The following LARP1B variants were observed in gnomAD, a reference collection of about 807,000 sequenced individuals.
The protein encoded by LARP1B is la-related protein 1B.
Under a neutral mutation model 114.2 loss-of-function variants are expected in LARP1B, and 76 were observed. That is an observed-to-expected ratio of 0.67 (90% CI 0.55 to 0.81). The LOEUF is 0.81. Ranked by LOEUF, LARP1B falls within the 30% of genes least tolerant of loss-of-function variation. The probability of loss-of-function intolerance (pLI) is 0.00; values close to 1 mark genes in which losing one functional copy is unlikely to be tolerated. For missense variants in LARP1B, 1,014 were observed against 1,075.8 expected (o/e 0.94, Z 0.80); for synonymous variants, 345 against 348.0 (o/e 0.99, Z 0.10).
At chr4:128,140,773 C>G (rs1056374542) in intron 11 of LARP1B, among the ~76,000 whole-genome samples, 1 of 151,482 alleles carries the variant, frequency 6.6e-6, no homozygotes. Flanking sequence ...CTTCTTGAAG[C>G]TGCCACATTG....
At chr4:128,183,092 G>A (rs541897413) in intron 15 of LARP1B, among the ~76,000 whole-genome samples, 2 of 152,326 alleles carry the variant, frequency 1.3e-5, no homozygotes, top group Admixed American at 6.5e-5. Context: ...TGCTGATGGG[G>A]AAGGTGCAGC....
intron 1 of LARP1B, among the ~76,000 whole-genome samples, chr4:128,066,519 C>T (rs1762951401): frequency 6.6e-6 from 1 of 150,584 alleles, no homozygotes; most frequent in African/African-American, 2.4e-5. Context: ...TTCTTGTTGC[C>T]CAGGCCGGAG....
intron 17 of LARP1B, among the ~76,000 whole-genome samples, chr4:128,205,094 T>G (rs997410058): frequency 6.6e-6 from 1 of 152,222 alleles, no homozygotes; most frequent in African/African-American, 2.4e-5. Context: ...TAGCATCACT[T>G]AAGGCTATGG....
At position 128,199,531 on chromosome 4, in the gene LARP1B, A is replaced by G. The variant is rs1456967293; in HGVS notation, c.2096A>G (p.His699Arg). 1.2e-6 allele frequency: 2 copies of G among 1,601,776 alleles called. No individual in the cohort carries two copies. The highest frequency in any genetic ancestry group is 2.3e-5 in the South Asian group (2 of 88,176). Reference sequence around the variant, plus strand: ...TTCCCAAAGTTCCAGCATCCTTCTCATGAACTTTTGAAGGAAAATGGCTTT... The same window carrying G: ...TTCCCAAAGTTCCAGCATCCTTCTCGTGAACTTTTGAAGGAAAATGGCTTT... ...HSFPKFQHPSHELLKENGFTQ... is the reference protein window; with the variant it reads ...HSFPKFQHPSRELLKENGFTQ... The change falls in exon 16 of 20, where the codon CAT becomes CGT. Residue 699 changes from histidine to arginine, a missense_variant. By Grantham distance (29) the His-to-Arg change is conservative (BLOSUM62 0). Coordinates refer to ENST00000326639, the MANE Select transcript of LARP1B (RefSeq NM_018078.4).
intron 7 of LARP1B, among the ~76,000 whole-genome samples, chr4:128,093,783 T>C (rs1438118918): frequency 6.8e-6 from 1 of 147,416 alleles, no homozygotes; most frequent in Non-Finnish European, 1.5e-5. Context: ...CGATCTCGGC[T>C]CACTGCAACG....
chr4:128,111,856 AT>A (rs569423146), intron 9 of LARP1B, among the ~76,000 whole-genome samples: 3,142 of 138,248 alleles, frequency 0.023, 60 homozygotes, highest in East Asian at 0.11. Context: ...TAATTTTTGT[AT>A]TTTTTTTTTT....
intron 10 of LARP1B, among the ~76,000 whole-genome samples, chr4:128,116,113 G>C (rs1049616204): frequency 1.3e-5 from 2 of 152,208 alleles, no homozygotes; most frequent in African/African-American, 4.8e-5. Flanking sequence ...GTACATAAGA[G>C]AGTGAGATGG....
intron 7 of LARP1B, among the ~76,000 whole-genome samples, chr4:128,093,537 A>G (rs1033318137): frequency 1.3e-5 from 2 of 151,676 alleles, no homozygotes; most frequent in African/African-American, 4.8e-5. Flanking sequence ...CAGAGCGTGC[A>G]GTGAGCCGAG....
Position 128,138,709 on chromosome 4 carries a change from A to G in LARP1B, c.1524+16521A>G, listed in dbSNP as rs539192560. 5.3e-5 allele frequency among the ~76,000 whole-genome samples: 8 copies of G among 152,244 alleles called. No homozygotes were observed. The South Asian group carries it at 1.5e-3, about 28-fold the overall frequency. Reference sequence around the variant, plus strand: ...ATGGTGGCTCATGCCTGTAATCCCAACCTTTTGTGAGGCCAAGCCAGGTGG... The same window carrying G: ...ATGGTGGCTCATGCCTGTAATCCCAGCCTTTTGTGAGGCCAAGCCAGGTGG... On this transcript the variant is annotated intron_variant, in intron 11 of 19. Coordinates refer to ENST00000326639, the MANE Select transcript of LARP1B (RefSeq NM_018078.4).
chr4:128,069,442 T>G (rs1220523101), intron 1 of LARP1B: 1 of 759,788 alleles, frequency 1.3e-6, no homozygotes, highest in Non-Finnish European at 2.4e-6. Flanking sequence ...ACACGAATCC[T>G]ATATATAACA....
rs71587374 is a variant in LARP1B, at chr4:128,189,262, C to CTT, written c.2003+9766_2003+9767dup. ...TCATCATACAGTGACCTTCCGTGTC[C>CTT]TTTTTTTTTTTTTTTTTACAGACTT... On this transcript the variant is annotated intron_variant, in intron 15 of 19. Transcript: ENST00000326639. Among the ~76,000 whole-genome samples the CTT allele has an allele frequency of 4.3e-3, 372 of 85,808 alleles. 4 individuals are homozygous for CTT. Among genetic ancestry groups the CTT allele is most frequent in the African/African-American group, 8.9e-3 (195 of 21,848 alleles). The allele number at this position is 85,808 out of a possible 152,430, so 56.3% of individuals were successfully genotyped here.
chr4:128,077,488 G>A (rs1229551372), intron 3 of LARP1B, among the ~76,000 whole-genome samples: 2 of 151,780 alleles, frequency 1.3e-5, no homozygotes, highest in Non-Finnish European at 2.9e-5. Context: ...GCAACAAAGT[G>A]AGACTCTGTC....
At chr4:128,114,845 T>C (rs1785243516) in intron 10 of LARP1B, 103 bp downstream of exon 10, 5 of 1,007,260 alleles carry the variant, frequency 5.0e-6, no homozygotes, top group Non-Finnish European at 7.3e-6. Flanking sequence ...TGGAAAAGTT[T>C]AGCACAATTT....
At chr4:128,094,912 C>T (rs999734100) in intron 7 of LARP1B, among the ~76,000 whole-genome samples, 18 of 152,014 alleles carry the variant, frequency 1.2e-4, no homozygotes, top group East Asian at 3.9e-4. Flanking sequence ...ACACCATGGC[C>T]GACTAATTTT....
rs916158483 is a variant in LARP1B at position 128,181,528 on chromosome 4, A to G, written c.2003+2016A>G. 5.9e-5 allele frequency among the ~76,000 whole-genome samples: 9 copies of G among 151,602 alleles called. 1 individual carries two copies. The Middle Eastern group carries it at 0.01, about 172-fold the overall frequency. Reference sequence around the variant, plus strand: ...TTTCTCTTTTTCTGCTTTCTTTTGGATTGAGTTTTTATAATGATCCTATTT... The same window carrying G: ...TTTCTCTTTTTCTGCTTTCTTTTGGGTTGAGTTTTTATAATGATCCTATTT... On this transcript the variant is annotated intron_variant, in intron 15 of 19. Coordinates refer to ENST00000326639, the MANE Select transcript of LARP1B (RefSeq NM_018078.4).
Position 128,210,396 on chromosome 4 carries a change from A to G in LARP1B, c.*343A>G. Reference sequence around the variant, plus strand: ...CATTCCTTAAATATATTTAAAAAACAATACAAGGAATGCCTAACATTTCAG... The same window carrying G: ...CATTCCTTAAATATATTTAAAAAACGATACAAGGAATGCCTAACATTTCAG... On this transcript the variant is annotated 3_prime_UTR_variant, in exon 20 of 20. Transcript: ENST00000326639. The G allele has an allele frequency of 9.5e-7, 1 of 1,056,382 alleles. No homozygotes were observed. The highest frequency in any genetic ancestry group is 1.1e-6 in the Non-Finnish European group (1 of 877,150). The allele number at this position is 1,056,382 out of a possible 1,614,324, so 65.4% of individuals were successfully genotyped here. A position where few individuals can be genotyped will look rare whatever the true frequency, so the allele number is the denominator to read the frequency against.
At chr4:128,111,062 T>TA (rs909672829) in intron 9 of LARP1B, among the ~76,000 whole-genome samples, 1 of 149,920 alleles carries the variant, frequency 6.7e-6, no homozygotes, top group African/African-American at 2.5e-5. Flanking sequence ...TTTTTTTTTT[T>TA]AAGAGATGGT....
intron 11 of LARP1B, among the ~76,000 whole-genome samples, chr4:128,124,164 A>T (rs1377229717): frequency 6.6e-6 from 1 of 152,212 alleles, no homozygotes; most frequent in Admixed American, 6.5e-5. Context: ...GTGAGAAGGT[A>T]ACAAATAGGG....
At chr4:128,084,611 C>T (rs540410565) in intron 5 of LARP1B, among the ~76,000 whole-genome samples, 87 of 150,906 alleles carry the variant, frequency 5.8e-4, no homozygotes, top group Non-Finnish European at 8.4e-4. Context: ...AGAGGGAGAC[C>T]GAGAGGGAGA....
Sources: gnomAD v4.1 joint callset for allele counts (sites outside exome capture counted in the v4.1 genomes callset) on GRCh38, gnomAD v4.1.1 for gene constraint, MANE v1.5 for transcripts, NCBI Gene and HGNC (gene_info 2026-07-23, HGNC 2026-07-21) for gene names.